The following PRPS2 variants were observed in gnomAD, a reference collection of about 807,000 sequenced individuals.
PRPS2 encodes ribose-phosphate pyrophosphokinase 2.
For missense variants in PRPS2, 104 were observed against 271.5 expected (o/e 0.38, Z 4.34); for synonymous variants, 111 against 115.3 (o/e 0.96, Z 0.24).
intron 1 of PRPS2, among the ~76,000 whole-genome samples, chrX:12,793,217 G>A (rs1460452685): frequency 8.9e-6 from 1 of 112,477 alleles, no homozygotes; most frequent in African/African-American, 3.2e-5. Context: ...TGTTGATGAA[G>A]TAAATTTTGA....
intron 4 of PRPS2, among the ~76,000 whole-genome samples, chrX:12,815,525 G>A (rs2042643271): frequency 8.9e-6 from 1 of 111,900 alleles, no homozygotes; most frequent in South Asian, 3.7e-4. Flanking sequence ...CATTTTGTGC[G>A]AGGTGTTCAT....
rs754205835 is a variant in PRPS2 at position 12,816,022 on chromosome X, G to A, written c.531-3485G>A. On this transcript the variant is annotated intron_variant, in intron 4 of 6. Coordinates refer to ENST00000380668, the MANE Select transcript of PRPS2 (RefSeq NM_002765.5). ...TTAATTTTTTTAATTAAATCTTTAA[G>A]TAAGGAAACTGTTGACAGCTAGACA... 2.3e-4 allele frequency among the ~76,000 whole-genome samples: 26 copies of A among 111,778 alleles called. No homozygotes were observed. In the East Asian group the frequency reaches 7.0e-3, roughly 30 times the overall value.
chrX:12,791,442 G>T lies in PRPS2; in HGVS notation c.-56G>T. ...AGCAGCCTCCCGCGTCGCTGTCGCT[G>T]TTGCCTCCGCCACCTCCTCCGCCGC... On this transcript the variant is annotated 5_prime_UTR_variant, in exon 1 of 7. Transcript: ENST00000380668. 8.5e-7 allele frequency: 1 copy of T among 1,170,954 alleles called. No homozygotes were observed. The highest frequency in any genetic ancestry group is 1.1e-6 in the Non-Finnish European group (1 of 873,792).
Position 12,823,433 on chromosome X carries a change from C to T in PRPS2, c.*637C>T, listed in dbSNP as rs1426003601. On this transcript the variant is annotated 3_prime_UTR_variant, in exon 7 of 7. Coordinates refer to ENST00000380668, the MANE Select transcript of PRPS2 (RefSeq NM_002765.5). ...ACACTGACACATTTTGGGGGGTATA[C>T]ATTAGACATATCAGAGCAGTGTATT... The T allele has an allele frequency of 9.4e-6, 1 of 106,900 alleles. No homozygotes were observed. Among genetic ancestry groups the T allele is most frequent in the Non-Finnish European group, 1.9e-5 (1 of 52,246 alleles). 8.8% of individuals were successfully genotyped at this position (106,900 alleles called of 1,213,427 possible).
chrX:12,808,835 TCCTC>T (rs2042608086), intron 2 of PRPS2, among the ~76,000 whole-genome samples: 1 of 111,675 alleles, frequency 9.0e-6, no homozygotes, highest in South Asian at 3.9e-4. Flanking sequence ...AAAAGTGATT[TCCTC>T]AGAGGGACCG....
intron 6 of PRPS2, among the ~76,000 whole-genome samples, chrX:12,821,781 C>T (rs964194816): frequency 2.3e-4 from 26 of 112,263 alleles, no homozygotes; most frequent in African/African-American, 8.4e-4. Context: ...TTTGCTCCTT[C>T]CCGTCCCTGC....
In PRPS2 at chrX:12,794,062, A is replaced by G. The variant is rs146128943; in HGVS notation, c.122+2443A>G. ...AGGTTATGCAAAGTTATACAAGGTT[A>G]TCGGTTACCATGTAATAAATAAAGA... On this transcript the variant is annotated intron_variant, in intron 1 of 6. Coordinates refer to ENST00000380668, the MANE Select transcript of PRPS2 (RefSeq NM_002765.5). Among the ~76,000 whole-genome samples the G allele has an allele frequency of 8.6e-3, 971 of 112,671 alleles. 16 individuals carry two copies. Among genetic ancestry groups the G allele is most frequent in the Admixed American group, 0.049 (523 of 10,629 alleles).
In PRPS2 at chrX:12,820,924, A is replaced by C. The variant is rs1393326960; in HGVS notation, c.864+121A>C. 6.3e-6 allele frequency: 5 copies of C among 788,361 alleles called. No homozygotes were observed. The Admixed American group carries it at 1.7e-4, about 27-fold the overall frequency. 65.0% of individuals were successfully genotyped at this position (788,361 alleles called of 1,213,427 possible). A position where few individuals can be genotyped will look rare whatever the true frequency, so the allele number is the denominator to read the frequency against. ...AAGGCACATGCTTGGCAGAGGCGGC[A>C]GCTTCTCATGACGGCAGGATATAAA... On this transcript the variant is annotated intron_variant, in intron 6 of 6. Transcript: ENST00000380668.
In PRPS2 at chrX:12,791,470, C is replaced by T; in HGVS notation, c.-28C>T. The T allele has an allele frequency of 1.7e-6, 2 of 1,194,700 alleles. No homozygotes were observed. Among genetic ancestry groups the T allele is most frequent in the South Asian group, 3.6e-5 (2 of 55,830 alleles). Reference sequence around the variant, plus strand: ...GCCTCCGCCACCTCCTCCGCCGCCGCGCGCCCCTCGGAGTTCCGCGCCCCA... The same window carrying T: ...GCCTCCGCCACCTCCTCCGCCGCCGTGCGCCCCTCGGAGTTCCGCGCCCCA... On this transcript the variant is annotated 5_prime_UTR_variant, in exon 1 of 7. Coordinates refer to ENST00000380668, the MANE Select transcript of PRPS2 (RefSeq NM_002765.5).
chrX:12,794,719 C>G (rs1408231409), intron 1 of PRPS2, among the ~76,000 whole-genome samples: 2 of 111,828 alleles, frequency 1.8e-5, no homozygotes, highest in Non-Finnish European at 3.8e-5. Flanking sequence ...TGAGTAGAAG[C>G]AGGACTAGCT....
At chrX:12,807,864 CCT>C (rs1491283964) in intron 2 of PRPS2, among the ~76,000 whole-genome samples, 2 of 84,730 alleles carry the variant, frequency 2.4e-5, no homozygotes, top group African/African-American at 4.6e-5. Flanking sequence ...TACATGCATA[CCT>C]TTTTTTTTTT....
Position 12,822,827 on chromosome X carries a change from C to G in PRPS2, c.*31C>G. 8.7e-7 allele frequency: 1 copy of G among 1,144,171 alleles called. No homozygotes were observed. Among genetic ancestry groups the G allele is most frequent in the Non-Finnish European group, 1.2e-6 (1 of 835,576 alleles). The allele number at this position is 1,144,171 out of a possible 1,213,427, so 94.3% of individuals were successfully genotyped here. ...GAATGGGAAGTGTCCAGCAAGCCTA[C>G]TCTGACTTCTGACTTGTTTTTGTTT... On this transcript the variant is annotated 3_prime_UTR_variant, in exon 7 of 7. Transcript: ENST00000380668.
chrX:12,809,963 A>G (rs1226703055), intron 3 of PRPS2, 59 bp from the exon 4 acceptor site: 1 of 1,078,899 alleles, frequency 9.3e-7, no homozygotes, highest in Non-Finnish European at 1.2e-6. Context: ...CGTTTAAAAA[A>G]ACAAAAGAAA....
intron 4 of PRPS2, among the ~76,000 whole-genome samples, chrX:12,811,275 A>T (rs902207021): frequency 6.2e-5 from 7 of 112,453 alleles, no homozygotes; most frequent in Admixed American, 5.6e-4. Flanking sequence ...GGTGAAGGAG[A>T]GTTAACAACA....
chrX:12,794,697 T>C (rs1355230377), intron 1 of PRPS2, among the ~76,000 whole-genome samples: 1 of 112,018 alleles, frequency 8.9e-6, no homozygotes, highest in African/African-American at 3.3e-5. Flanking sequence ...AAGGTAGTCA[T>C]GATCATCTTT....
At chrX:12,791,970 G>A (rs1049633572) in intron 1 of PRPS2, among the ~76,000 whole-genome samples, 21 of 113,149 alleles carry the variant, frequency 1.9e-4, no homozygotes, top group African/African-American at 6.4e-4. Flanking sequence ...ACAGACCGTC[G>A]GGGAGAGAGT....
At chrX:12,821,951 C>T in intron 6 of PRPS2, among the ~76,000 whole-genome samples, 1 of 111,698 alleles carries the variant, frequency 9.0e-6, no homozygotes, top group Non-Finnish European at 1.9e-5. Context: ...ATCAGCGTAG[C>T]ATGAAGGTGC....
intron 2 of PRPS2, among the ~76,000 whole-genome samples, chrX:12,804,683 G>T (rs1270120885): frequency 9.0e-6 from 1 of 111,107 alleles, no homozygotes; most frequent in Non-Finnish European, 1.9e-5. Flanking sequence ...TGATTGGGGT[G>T]GGGGGTGAGG....
intron 6 of PRPS2, among the ~76,000 whole-genome samples, chrX:12,821,690 A>G (rs1019965046): frequency 1.8e-5 from 2 of 111,378 alleles, no homozygotes; most frequent in African/African-American, 6.6e-5. Context: ...AAATAGATAG[A>G]TACATAGATA....
Sources: allele counts gnomAD v4.1 joint callset (sites outside exome capture counted in the v4.1 genomes callset), GRCh38; gene constraint gnomAD v4.1.1; transcripts MANE v1.5; gene names NCBI Gene and HGNC (gene_info 2026-07-23, HGNC 2026-07-21).